Variants in CNTN4 observed in about 807,000 individuals in gnomAD.
The protein encoded by CNTN4 is contactin-4.
A neutral mutation model predicts 122.5 loss-of-function variants in CNTN4; 77 were observed. That is an observed-to-expected ratio of 0.63 (90% CI 0.52 to 0.76). CNTN4 has a LOEUF of 0.76. Among genes scored for constraint, CNTN4 ranks in the 30% least tolerant of loss-of-function variants. The pLI is 0.00. For missense variants in CNTN4, 1,256 were observed against 1,259.1 expected (o/e 1.00, Z 0.04); for synonymous variants, 512 against 447.0 (o/e 1.15, Z -1.83).
At chr3:2,450,105 A>G (rs2048771719) in intron 3 of CNTN4, among the ~76,000 whole-genome samples, 1 of 152,136 alleles carries the variant, frequency 6.6e-6, no homozygotes, top group South Asian at 2.1e-4. Flanking sequence ...GGTGGCTTAC[A>G]CCTATAATCC....
chr3:2,276,546 A>T (rs1408535711), intron 2 of CNTN4, among the ~76,000 whole-genome samples: 1 of 152,136 alleles, frequency 6.6e-6, no homozygotes, highest in Non-Finnish European at 1.5e-5. Context: ...TTTAGAAAGT[A>T]AGACTCTTCT....
intron 14 of CNTN4, among the ~76,000 whole-genome samples, chr3:3,005,039 A>T (rs1175614986): frequency 6.6e-6 from 1 of 152,226 alleles, no homozygotes; most frequent in African/African-American, 2.4e-5. Context: ...AAATAAGCAC[A>T]CATTCACTGC....
intron 3 of CNTN4, among the ~76,000 whole-genome samples, chr3:2,453,575 A>G (rs553806305): frequency 2.0e-5 from 3 of 152,240 alleles, no homozygotes; most frequent in Admixed American, 6.6e-5. Flanking sequence ...GTTCATGATC[A>G]TGTAGCTTTT....
At chr3:2,732,394 C>G (rs79926454) in intron 4 of CNTN4, among the ~76,000 whole-genome samples, 255 of 151,994 alleles carry the variant, frequency 1.7e-3, no homozygotes, top group Admixed American at 2.7e-3. Flanking sequence ...AACTCGGAGA[C>G]GCATTGTATT....
chr3:2,307,083 C>T (rs1343695168), intron 2 of CNTN4, among the ~76,000 whole-genome samples: 4 of 152,034 alleles, frequency 2.6e-5, no homozygotes, highest in African/African-American at 7.2e-5. Context: ...AATCTAGGCA[C>T]ATTTTATTTT....
intron 3 of CNTN4, among the ~76,000 whole-genome samples, chr3:2,466,352 CGTAA>C (rs1401105313): frequency 1.3e-5 from 2 of 152,148 alleles, no homozygotes; most frequent in Non-Finnish European, 1.5e-5. Context: ...TGAAACAAAA[CGTAA>C]GTGTTTGTCG....
At chr3:2,473,552 T>G (rs979397705) in intron 3 of CNTN4, among the ~76,000 whole-genome samples, 2 of 152,206 alleles carry the variant, frequency 1.3e-5, no homozygotes, top group African/African-American at 2.4e-5. Flanking sequence ...AGATTCTCAA[T>G]GGCCACTTGT....
chr3:2,458,077 A>G (rs1448982778), intron 3 of CNTN4, among the ~76,000 whole-genome samples: 1 of 152,118 alleles, frequency 6.6e-6, no homozygotes, highest in Non-Finnish European at 1.5e-5. Flanking sequence ...ATAGGGAGCC[A>G]TTCTCTACAG....
intron 3 of CNTN4, among the ~76,000 whole-genome samples, chr3:2,527,408 T>TG: frequency 1.6e-5 from 2 of 128,622 alleles, no homozygotes; most frequent in Admixed American, 1.6e-4. Flanking sequence ...GGGAACAATG[T>TG]ATGCTGCTGC....
At chr3:2,493,286 T>C (rs1009130476) in intron 3 of CNTN4, among the ~76,000 whole-genome samples, 1 of 152,020 alleles carries the variant, frequency 6.6e-6, no homozygotes, top group African/African-American at 2.4e-5. Context: ...CTAATACTCT[T>C]GCAGAATCTA....
At chr3:2,436,762 C>T (rs1257160360) in intron 3 of CNTN4, among the ~76,000 whole-genome samples, 1 of 148,362 alleles carries the variant, frequency 6.7e-6, no homozygotes, top group African/African-American at 2.5e-5. Context: ...TCATATATTT[C>T]CTTCAAATAT....
Position 2,401,350 on chromosome 3 carries a change from T to C in CNTN4, c.-89+62117T>C, listed in dbSNP as rs60940870. On this transcript the variant is annotated intron_variant, in intron 3 of 24. Coordinates refer to ENST00000418658, the MANE Select transcript of CNTN4 (RefSeq NM_175607.3). ...TTCTTGTATAATGTCCTTTTTAGTG[T>C]ACCATATTTCCTCAGTCAGATCGAT... 3.8e-3 allele frequency among the ~76,000 whole-genome samples: 583 copies of C among 152,282 alleles called. 4 individuals are homozygous for C. The highest frequency in any genetic ancestry group is 0.014 in the African/African-American group (570 of 41,572).
intron 2 of CNTN4, among the ~76,000 whole-genome samples, chr3:2,174,005 G>A (rs1009773561): frequency 1.3e-5 from 2 of 152,100 alleles, no homozygotes; most frequent in Admixed American, 1.3e-4. Flanking sequence ...GAGGTAAGAA[G>A]TTTTTGCATC....
At chr3:2,690,344 C>T (rs1002064799) in intron 4 of CNTN4, among the ~76,000 whole-genome samples, 1 of 152,046 alleles carries the variant, frequency 6.6e-6, no homozygotes, top group African/African-American at 2.4e-5. Flanking sequence ...CAAGTGTGTT[C>T]GTTTCTAAGA....
chr3:2,530,279 A>G (rs1292450083), intron 3 of CNTN4, among the ~76,000 whole-genome samples: 2 of 147,918 alleles, frequency 1.4e-5, no homozygotes, highest in Non-Finnish European at 3.0e-5. Flanking sequence ...TTTCACTAAT[A>G]TACTCTATTT....
intron 3 of CNTN4, among the ~76,000 whole-genome samples, chr3:2,441,564 T>C (rs2048440319): frequency 6.6e-6 from 1 of 152,194 alleles, no homozygotes; most frequent in Non-Finnish European, 1.5e-5. Context: ...AAATAAGGTA[T>C]TAGGGTAGCT....
At chr3:2,721,868 G>T (rs1016820096) in intron 4 of CNTN4, among the ~76,000 whole-genome samples, 11 of 152,110 alleles carry the variant, frequency 7.2e-5, no homozygotes, top group African/African-American at 2.7e-4. Context: ...TTTGGGAAGG[G>T]ATTAAGTCAT....
At chr3:2,537,960 A>AC (rs1365018863) in intron 3 of CNTN4, among the ~76,000 whole-genome samples, 1 of 150,472 alleles carries the variant, frequency 6.6e-6, no homozygotes, top group Non-Finnish European at 1.5e-5. Context: ...TCCTCCCCCT[A>AC]CCCCCAAAAT....
chr3:2,263,087 A>T (rs1209217456), intron 2 of CNTN4, among the ~76,000 whole-genome samples: 3 of 152,156 alleles, frequency 2.0e-5, no homozygotes, highest in African/African-American at 7.2e-5. Context: ...AGGCTGGAAG[A>T]TACGATACAG....
Sources: allele counts gnomAD v4.1 joint callset (sites outside exome capture counted in the v4.1 genomes callset), GRCh38; gene constraint gnomAD v4.1.1; transcripts MANE v1.5; gene names NCBI Gene and HGNC (gene_info 2026-07-23, HGNC 2026-07-21).